Variants in SHISA9 observed in about 807,000 individuals in gnomAD.
SHISA9 encodes shisa family member 9.
In SHISA9, 13 loss-of-function variants were observed where a neutral mutation model predicts 38.0. The ratio of observed to expected loss-of-function variants is 0.34; its 90% CI spans 0.22 to 0.54. SHISA9 has a LOEUF of 0.54. SHISA9 is among the 20% of genes least tolerant of loss of function. The pLI, the probability that SHISA9 is intolerant of heterozygous loss-of-function variation, is 0.91. For synonymous variants in SHISA9, 275 were observed against 242.0 expected, an observed-to-expected ratio of 1.14 and a Z score of -1.27; for missense variants, 538 against 575.8, an observed-to-expected ratio of 0.93 and a Z score of 0.67.
At chr16:13,550,151 G>C in the SHISA9 span, among the ~76,000 whole-genome samples, 1 of 152,140 alleles carries the variant, frequency 6.6e-6, no homozygotes, top group Non-Finnish European at 1.5e-5. Context: ...CGAGGCAGGA[G>C]AGAGGTTGGA....
At chr16:13,019,764 T>TTTTCTTTCTTTCTTTCTTTTCTTTC (rs2072801794) in intron 2 of SHISA9, among the ~76,000 whole-genome samples, 1 of 77,896 alleles carries the variant, frequency 1.3e-5, no homozygotes, top group Non-Finnish European at 2.5e-5. Flanking sequence ...CTTTTCTTTC[T>TTTTCTTTCTTTCTTTCTTTTCTTTC]TTTCTTTCTT....
chr16:13,388,470 C>T, the SHISA9 span, among the ~76,000 whole-genome samples: 2 of 152,040 alleles, frequency 1.3e-5, no homozygotes, highest in African/African-American at 2.4e-5. Flanking sequence ...CACCACCATG[C>T]CCAGCTAATT....
At chr16:13,034,880 G>C (rs1325773744) in intron 2 of SHISA9, among the ~76,000 whole-genome samples, 1 of 152,198 alleles carries the variant, frequency 6.6e-6, no homozygotes, top group Non-Finnish European at 1.5e-5. Flanking sequence ...TCCTACATTA[G>C]TCAACAGCCA....
intron 2 of SHISA9, among the ~76,000 whole-genome samples, chr16:13,142,559 G>C (rs2050410969): frequency 6.6e-6 from 1 of 152,142 alleles, no homozygotes; most frequent in African/African-American, 2.4e-5. Flanking sequence ...GTTGTCTGTA[G>C]TTTCCTTGCC....
chr16:13,400,627 C>T, the SHISA9 span, among the ~76,000 whole-genome samples: 1 of 152,306 alleles, frequency 6.6e-6, no homozygotes, highest in African/African-American at 2.4e-5. Context: ...AAGACAGTTG[C>T]TGCCAGGGTC....
chr16:12,965,912 C>CT (rs773521960), intron 2 of SHISA9, among the ~76,000 whole-genome samples: 2 of 152,214 alleles, frequency 1.3e-5, no homozygotes, highest in Non-Finnish European at 2.9e-5. Context: ...AAGTGCTTAT[C>CT]TTAGGAATAG....
intron 2 of SHISA9, among the ~76,000 whole-genome samples, chr16:13,081,384 G>C (rs181345866): frequency 1.1e-4 from 16 of 152,256 alleles, no homozygotes; most frequent in African/African-American, 3.9e-4. Context: ...GGATGTAAAA[G>C]GGTCAGGCGA....
chr16:13,087,653 GC>G (rs1215003631), intron 2 of SHISA9, among the ~76,000 whole-genome samples: 1 of 152,124 alleles, frequency 6.6e-6, no homozygotes, highest in East Asian at 1.9e-4. Context: ...CATATCCTTT[GC>G]CCACTTTTTG....
At chr16:13,368,613 G>A in the SHISA9 span, among the ~76,000 whole-genome samples, 1 of 152,056 alleles carries the variant, frequency 6.6e-6, no homozygotes, top group Non-Finnish European at 1.5e-5. Flanking sequence ...ATGGTAAAAT[G>A]ATGGGGTGTG....
chr16:13,334,874 G>T, the SHISA9 span, among the ~76,000 whole-genome samples: 26 of 152,216 alleles, frequency 1.7e-4, no homozygotes, highest in East Asian at 2.7e-3. Context: ...GTTTACCAGG[G>T]AGCCTGCCAC....
the SHISA9 span, chr16:13,331,797 T>C: frequency 6.6e-6 from 1 of 152,300 alleles, no homozygotes; most frequent in East Asian, 1.9e-4. Flanking sequence ...AGCGCTCTAG[T>C]CCTTGGTTTC....
chr16:13,187,687 C>A (rs2050841113), intron 2 of SHISA9, among the ~76,000 whole-genome samples: 1 of 152,070 alleles, frequency 6.6e-6, no homozygotes, highest in Non-Finnish European at 1.5e-5. Flanking sequence ...TGATAGTGAC[C>A]TTTGCTGTGA....
the SHISA9 span, among the ~76,000 whole-genome samples, chr16:13,541,619 A>T: frequency 6.6e-6 from 1 of 152,192 alleles, no homozygotes; most frequent in African/African-American, 2.4e-5. Context: ...AAAACTCATG[A>T]AATATCTGAT....
chr16:13,165,561 C>T (rs532561155), intron 2 of SHISA9, among the ~76,000 whole-genome samples: 2 of 152,294 alleles, frequency 1.3e-5, no homozygotes, highest in East Asian at 3.9e-4. Context: ...ACTTAGGAAA[C>T]TTCCTGTTAC....
intron 2 of SHISA9, among the ~76,000 whole-genome samples, chr16:13,050,610 G>T (rs1476354433): frequency 1.3e-5 from 2 of 152,162 alleles, no homozygotes; most frequent in Non-Finnish European, 2.9e-5. Context: ...GGGATTACAG[G>T]CATGAGCCAC....
At chr16:13,092,304 G>C (rs1007698036) in intron 2 of SHISA9, among the ~76,000 whole-genome samples, 1 of 152,224 alleles carries the variant, frequency 6.6e-6, no homozygotes, top group Non-Finnish European at 1.5e-5. Flanking sequence ...GATGCAGTCT[G>C]TCTGTTCTCA....
chr16:13,532,762 G>A, the SHISA9 span, among the ~76,000 whole-genome samples: 1 of 152,044 alleles, frequency 6.6e-6, no homozygotes, highest in Non-Finnish European at 1.5e-5. Flanking sequence ...ACCATCCACA[G>A]ATCCTGCTTT....
At chr16:12,996,293 G>T (rs891205776) in intron 2 of SHISA9, among the ~76,000 whole-genome samples, 1 of 152,020 alleles carries the variant, frequency 6.6e-6, no homozygotes, top group Non-Finnish European at 1.5e-5. Flanking sequence ...GGCTTCTCTT[G>T]AAGAAAAAAA....
At chr16:13,211,369 TG>T (rs1178310665) in intron 3 of SHISA9, among the ~76,000 whole-genome samples, 6 of 152,114 alleles carry the variant, frequency 3.9e-5, no homozygotes, top group African/African-American at 1.4e-4. Context: ...TGAACTCTAG[TG>T]TATTTGAGGT....
Sources: gnomAD v4.1 joint callset for allele counts (sites outside exome capture counted in the v4.1 genomes callset) on GRCh38, gnomAD v4.1.1 for gene constraint, MANE v1.5 for transcripts, NCBI Gene and HGNC (gene_info 2026-07-23, HGNC 2026-07-21) for gene names.